The following SYT10 variants were observed in gnomAD, a reference collection of about 807,000 sequenced individuals.
SYT10 encodes synaptotagmin-10.
In SYT10, 31 loss-of-function variants were observed where a neutral mutation model predicts 51.1. That is an observed-to-expected ratio of 0.61 (90% CI 0.46 to 0.82). The LOEUF (loss-of-function observed/expected upper bound fraction) is 0.82, where lower values mean the gene tolerates loss of function less well. SYT10 is among the 40% of genes least tolerant of loss of function. The pLI is 0.00. For synonymous variants in SYT10, 233 were observed against 225.9 expected (o/e 1.03, Z -0.28); for missense variants, 603 against 634.0 (o/e 0.95, Z 0.53).
At position 33,375,689 on chromosome 12, in the gene SYT10, G is replaced by A. The variant is rs1466831458; in HGVS notation, c.*1141C>T. 6.6e-6 allele frequency: 1 copy of A among 152,124 alleles called. No homozygotes were observed. Among genetic ancestry groups the A allele is most frequent in the Non-Finnish European group, 1.5e-5 (1 of 67,960 alleles). The allele number at this position is 152,124 out of a possible 1,614,324, so 9.4% of individuals were successfully genotyped here. On this transcript the variant is annotated 3_prime_UTR_variant, in exon 7 of 7. Coordinates refer to ENST00000228567, the MANE Select transcript of SYT10 (RefSeq NM_198992.4). ...AGGCCTGGGCCTTTAGAATTAATTT[G>A]TTTATTATTATTAAGCATTGAAGTT...
At chr12:33,435,459 A>T (rs1322937190) in intron 1 of SYT10, among the ~76,000 whole-genome samples, 1 of 152,132 alleles carries the variant, frequency 6.6e-6, no homozygotes, top group Non-Finnish European at 1.5e-5. Context: ...GAAGTTGGCC[A>T]CTCTTCAGTG....
At position 33,439,635 on chromosome 12, in the gene SYT10, G is replaced by A; in HGVS notation, c.-113C>T. On this transcript the variant is annotated 5_prime_UTR_variant, in exon 1 of 7. Transcript: ENST00000228567. ...CCATAGTCCGCCCGCGGTGACTTTGGCTGGAGATTGCGCCGCTGAGAGCCG... is the reference window on the plus strand; with the variant it reads ...CCATAGTCCGCCCGCGGTGACTTTGACTGGAGATTGCGCCGCTGAGAGCCG... The A allele has an allele frequency of 7.5e-7, 1 of 1,325,418 alleles. No homozygotes were observed. Among genetic ancestry groups the A allele is most frequent in the Non-Finnish European group, 1.0e-6 (1 of 975,896 alleles). 82.1% of individuals were successfully genotyped at this position (1,325,418 alleles called of 1,614,324 possible). A position where few individuals can be genotyped will look rare whatever the true frequency, so the allele number is the denominator to read the frequency against.
intron 2 of SYT10, among the ~76,000 whole-genome samples, chr12:33,417,664 C>G (rs1352788023): frequency 6.6e-6 from 1 of 152,158 alleles, no homozygotes; most frequent in Non-Finnish European, 1.5e-5. Context: ...CAAGTGGATC[C>G]ATGAGAGTTG....
chr12:33,436,586 G>A (rs1275408688), intron 1 of SYT10, among the ~76,000 whole-genome samples: 1 of 152,132 alleles, frequency 6.6e-6, no homozygotes, highest in African/African-American at 2.4e-5. Flanking sequence ...CAACAATACT[G>A]CTGCTGCTTC....
At chr12:33,425,868 G>A (rs967141516) in intron 2 of SYT10, among the ~76,000 whole-genome samples, 4 of 152,036 alleles carry the variant, frequency 2.6e-5, no homozygotes, top group African/African-American at 9.7e-5. Context: ...ATTTTACTGA[G>A]ACCTCACATT....
chr12:33,382,664 CA>C (rs1042364341), intron 4 of SYT10, 144 bp from the exon 5 acceptor site: 78 of 693,106 alleles, frequency 1.1e-4, no homozygotes, highest in South Asian at 1.4e-4. Context: ...AATTTGTCTC[CA>C]AAAAAAAGAG....
chr12:33,413,084 T>G (rs974533276), intron 2 of SYT10, among the ~76,000 whole-genome samples: 4 of 152,142 alleles, frequency 2.6e-5, no homozygotes, highest in Non-Finnish European at 4.4e-5. Flanking sequence ...AGGGTATCAG[T>G]GACTGAAGAT....
At chr12:33,429,966 C>G (rs767646465) in intron 1 of SYT10, among the ~76,000 whole-genome samples, 1 of 152,092 alleles carries the variant, frequency 6.6e-6, no homozygotes, top group Non-Finnish European at 1.5e-5. Flanking sequence ...CCCATTCCAA[C>G]GGGCAAACTT....
rs370751808 is a variant in SYT10, at chr12:33,407,270, C to T, written c.596G>A (p.Arg199Gln). ...CCCAATGCTGGTTGTTGTTTCTCCT[C>T]GTTGTAAAACAGGTTCTGTGCCCAT... Reference protein sequence around the residue: ...FSMGTEPVLQRGETTTSIGRI... With the variant: ...FSMGTEPVLQQGETTTSIGRI... Residue 199 changes from arginine (R) to glutamine (Q), a missense_variant, in exon 3 of 7, where the codon CGA becomes CAA. By Grantham distance (43) the Arg-to-Gln change is conservative. Transcript: ENST00000228567. 9.3e-6 allele frequency: 15 copies of T among 1,613,508 alleles called. No homozygotes were observed. In the African/African-American group the frequency reaches 1.2e-4, roughly 13 times the overall value.
chr12:33,427,434 G>A (rs1013731046), intron 1 of SYT10, among the ~76,000 whole-genome samples: 3 of 152,054 alleles, frequency 2.0e-5, no homozygotes, highest in Non-Finnish European at 4.4e-5. Flanking sequence ...CCTCAAAGAA[G>A]GGAGAAATTG....
At chr12:33,404,168 A>G (rs1866331455) in intron 3 of SYT10, among the ~76,000 whole-genome samples, 1 of 152,188 alleles carries the variant, frequency 6.6e-6, no homozygotes, top group South Asian at 2.1e-4. Flanking sequence ...CTTAAATGGC[A>G]AAAGGGGCTT....
intron 2 of SYT10, among the ~76,000 whole-genome samples, chr12:33,418,099 T>C (rs1866470556): frequency 1.3e-5 from 2 of 152,232 alleles, no homozygotes; most frequent in South Asian, 2.1e-4. Context: ...GCTTTTCATA[T>C]ACTGTACCAC....
intron 1 of SYT10, among the ~76,000 whole-genome samples, chr12:33,433,061 A>AGGATGTAT (rs1866610043): frequency 6.6e-6 from 1 of 152,162 alleles, no homozygotes. Context: ...TGTATTTAAC[A>AGGATGTAT]TTATGAAGAA....
In SYT10 at chr12:33,376,548, T is replaced by G; in HGVS notation, c.*282A>C. On this transcript the variant is annotated 3_prime_UTR_variant, in exon 7 of 7. Transcript: ENST00000228567. Reference sequence around the variant, plus strand: ...ATGAACTGTTTAAAAAAACATTTCATATGCAAAGAATTACAACATAGTAAA... The same window carrying G: ...ATGAACTGTTTAAAAAAACATTTCAGATGCAAAGAATTACAACATAGTAAA... The G allele has an allele frequency of 2.4e-6, 1 of 409,988 alleles. No homozygotes were observed. Among genetic ancestry groups the G allele is most frequent in the Non-Finnish European group, 4.4e-6 (1 of 225,398 alleles). 25.4% of individuals were successfully genotyped at this position (409,988 alleles called of 1,614,324 possible). A position where few individuals can be genotyped will look rare whatever the true frequency, so the allele number is the denominator to read the frequency against.
chr12:33,390,545 C>T (rs1866195266), intron 3 of SYT10, among the ~76,000 whole-genome samples: 1 of 146,002 alleles, frequency 6.8e-6, no homozygotes, highest in Non-Finnish European at 1.5e-5. Flanking sequence ...TATTATGCTC[C>T]CACAACCCAA....
At chr12:33,420,699 A>T (rs1217981009) in intron 2 of SYT10, among the ~76,000 whole-genome samples, 1 of 152,168 alleles carries the variant, frequency 6.6e-6, no homozygotes, top group Non-Finnish European at 1.5e-5. Context: ...GTGTTTGCGT[A>T]TAAGACAATA....
intron 1 of SYT10, among the ~76,000 whole-genome samples, chr12:33,439,017 G>A (rs1171353097): frequency 1.3e-5 from 2 of 152,228 alleles, no homozygotes; most frequent in African/African-American, 4.8e-5. Flanking sequence ...GCCAAGCCGC[G>A]AGCCGTCCCG....
chr12:33,380,802 CT>C (rs1238674406), intron 5 of SYT10, among the ~76,000 whole-genome samples: 1 of 152,088 alleles, frequency 6.6e-6, no homozygotes, highest in Admixed American at 6.6e-5. Flanking sequence ...CTCAAGAGCA[CT>C]TGTGGTTAAG....
chr12:33,439,275 C>T (rs2138446717), intron 1 of SYT10, 97 bp downstream of exon 1: 2 of 1,461,524 alleles, frequency 1.4e-6, no homozygotes, highest in Non-Finnish European at 1.8e-6. Context: ...AAATATGCCG[C>T]GGGAGCGGCG....
Sources: gnomAD v4.1 joint callset for allele counts (sites outside exome capture counted in the v4.1 genomes callset) on GRCh38, gnomAD v4.1.1 for gene constraint, MANE v1.5 for transcripts, NCBI Gene and HGNC (gene_info 2026-07-23, HGNC 2026-07-21) for gene names.